The following NAP1L1 variants were observed in gnomAD, a reference collection of about 807,000 sequenced individuals.
The protein encoded by NAP1L1 is nucleosome assembly protein 1 like 1, also known as nucleosome assembly protein 1-like 1.
Under a neutral mutation model 58.9 loss-of-function variants are expected in NAP1L1, and 9 were observed. The ratio of observed to expected loss-of-function variants is 0.15; its 90% CI spans 0.09 to 0.27. The LOEUF is 0.27. Ranked by LOEUF, NAP1L1 falls within the 10% of genes least tolerant of loss-of-function variation. The pLI, the probability that NAP1L1 is intolerant of heterozygous loss-of-function variation, is 1.00. For synonymous variants in NAP1L1, 130 were observed against 138.3 expected (o/e 0.94, Z 0.42); for missense variants, 302 against 458.8 (o/e 0.66, Z 3.12).
intron 4 of NAP1L1, among the ~76,000 whole-genome samples, chr12:76,062,378 A>G (rs574237934): frequency 6.6e-6 from 1 of 152,126 alleles, no homozygotes; most frequent in Non-Finnish European, 1.5e-5. Context: ...TTTCTCCCCA[A>G]ATATTCATTA....
chr12:76,058,071 GA>G, intron 6 of NAP1L1: 1 of 766,314 alleles, frequency 1.3e-6, no homozygotes, highest in Non-Finnish European at 2.4e-6. Flanking sequence ...GGTCATTCAG[GA>G]AAAACAGACA....
intron 10 of NAP1L1, 43 bp from the exon 11 acceptor site, chr12:76,053,153 G>C: frequency 6.2e-7 from 1 of 1,612,372 alleles, no homozygotes; most frequent in Non-Finnish European, 8.5e-7. Flanking sequence ...AAGAAGCTAA[G>C]CAATGCTTTT....
intron 2 of NAP1L1, among the ~76,000 whole-genome samples, chr12:76,071,711 A>C (rs186351650): frequency 1.6e-4 from 25 of 152,318 alleles, no homozygotes; most frequent in Admixed American, 1.6e-3. Flanking sequence ...CTAAAACAAG[A>C]AAGTAAAAAC....
At chr12:76,069,089 C>A in intron 2 of NAP1L1, 95 bp from the exon 3 acceptor site, 1 of 836,260 alleles carries the variant, frequency 1.2e-6, no homozygotes, top group South Asian at 1.6e-5. Flanking sequence ...ATTAGTATCT[C>A]TTTCAAAGAC....
intron 1 of NAP1L1, among the ~76,000 whole-genome samples, chr12:76,079,375 C>T (rs1950314330): frequency 6.6e-6 from 1 of 152,138 alleles, no homozygotes. Flanking sequence ...AACATGCCTG[C>T]TGTAGTCCTA....
Position 76,045,225 on chromosome 12 carries a change from CATTT to C in NAP1L1, c.*3200_*3203del, listed in dbSNP as rs914984610. On this transcript the variant is annotated 3_prime_UTR_variant, in exon 15 of 15. Transcript: ENST00000618691. Reference sequence around the variant, plus strand: ...AATCTATTCTGTACATTTAAAATAACATTTGTTTTGATTTAAAGTCAAAAATATA... The same window carrying C: ...AATCTATTCTGTACATTTAAAATAACGTTTTGATTTAAAGTCAAAAATATA... 2 of 151,984 alleles carry C rather than the reference CATTT, an allele frequency of 1.3e-5. No homozygotes were observed. Among genetic ancestry groups the C allele is most frequent in the African/African-American group, 2.4e-5 (1 of 41,394 alleles). 9.4% of individuals were successfully genotyped at this position (151,984 alleles called of 1,614,324 possible). A position where few individuals can be genotyped will look rare whatever the true frequency, so the allele number is the denominator to read the frequency against.
intron 1 of NAP1L1, among the ~76,000 whole-genome samples, chr12:76,080,374 G>A (rs867095361): frequency 6.6e-6 from 1 of 152,234 alleles, no homozygotes; most frequent in Middle Eastern, 3.4e-3. Context: ...TATGCTTTTT[G>A]TGGTTAGAGT....
chr12:76,055,307 G>A (rs1000981472), intron 7 of NAP1L1, among the ~76,000 whole-genome samples: 3 of 152,122 alleles, frequency 2.0e-5, no homozygotes, highest in Non-Finnish European at 4.4e-5. Flanking sequence ...TGTCCAAATA[G>A]ACAACTGAAT....
rs1050527719 is a variant in NAP1L1 at position 76,039,536 on chromosome 12, G to A, written c.*8893C>T. 11 of 152,152 alleles carry A rather than the reference G, an allele frequency of 7.2e-5. No homozygotes were observed. The highest frequency in any genetic ancestry group is 2.7e-4 in the African/African-American group (11 of 41,420). The allele number at this position is 152,152 out of a possible 1,614,324, so 9.4% of individuals were successfully genotyped here. ...CTCTTCAGGGCAGGGGAGAGAAAAA[G>A]GAAAGATTATCTGAATATTGTTTAA... On this transcript the variant is annotated 3_prime_UTR_variant, in exon 15 of 15. Coordinates refer to ENST00000618691, the MANE Select transcript of NAP1L1 (RefSeq NM_004537.7).
rs774119322 is a variant in NAP1L1, at chr12:76,054,999, A to C, written c.630+20T>G. ...CTGTAAGCATGTTACAAAATTATAAATATTTCAAAGTTCTTTTACCATAGG... is the reference window on the plus strand; with the variant it reads ...CTGTAAGCATGTTACAAAATTATAACTATTTCAAAGTTCTTTTACCATAGG... On this transcript the variant is annotated intron_variant, in intron 8 of 14. Transcript: ENST00000618691. The C allele has an allele frequency of 2.6e-6, 4 of 1,559,684 alleles. No homozygotes were observed. Among genetic ancestry groups the C allele is most frequent in the Non-Finnish European group, 3.5e-6 (4 of 1,147,694 alleles).
chr12:76,046,322 C>T lies in NAP1L1; in HGVS notation c.*2107G>A, dbSNP rs1948606624. On this transcript the variant is annotated 3_prime_UTR_variant, in exon 15 of 15. Coordinates refer to ENST00000618691, the MANE Select transcript of NAP1L1 (RefSeq NM_004537.7). ...CAATTTTATAAAGAAAATTCTTCTGCAAACCACATCCCCTTTATGTAACAA... is the reference window on the plus strand; with the variant it reads ...CAATTTTATAAAGAAAATTCTTCTGTAAACCACATCCCCTTTATGTAACAA... The T allele has an allele frequency of 1.3e-5, 2 of 152,306 alleles. No homozygotes were observed. The highest frequency in any genetic ancestry group is 4.1e-4 in the South Asian group (2 of 4,824). The allele number at this position is 152,306 out of a possible 1,614,324, so 9.4% of individuals were successfully genotyped here. A position where few individuals can be genotyped will look rare whatever the true frequency, so the allele number is the denominator to read the frequency against.
intron 2 of NAP1L1, among the ~76,000 whole-genome samples, chr12:76,070,387 C>A (rs980462318): frequency 3.9e-5 from 6 of 152,300 alleles, no homozygotes; most frequent in South Asian, 2.1e-4. Flanking sequence ...GGATTACAGG[C>A]ATAAGCCACC....
Position 76,067,414 on chromosome 12 carries a change from T to G in NAP1L1, c.163A>C (p.Arg55=). The change falls in exon 4 of 15, where the codon AGA becomes CGA. Residue 55 remains arginine (R), a synonymous_variant. Transcript: ENST00000618691. ...GGTGTTTCTACCAGACCATCAAGTC[T>G]TTCTTGAAGGGCTGCAAGAATCTGA... ...NPQILAALQE[R]LDGLVETPTG... 6.2e-7 allele frequency: 1 copy of G among 1,610,364 alleles called. No individual in the cohort carries two copies. The highest frequency in any genetic ancestry group is 8.5e-7 in the Non-Finnish European group (1 of 1,177,622).
At chr12:76,054,300 G>A (rs1307885758) in intron 8 of NAP1L1, among the ~76,000 whole-genome samples, 1 of 152,090 alleles carries the variant, frequency 6.6e-6, no homozygotes, top group Non-Finnish European at 1.5e-5. Flanking sequence ...AAAGTGCTGG[G>A]ATTACAGGTG....
rs3082540 is a variant in NAP1L1 at position 76,058,194 on chromosome 12, CATATATATATATATATAT to C, written c.429+1586_429+1603del. 32 of 371,058 alleles carry C rather than the reference CATATATATATATATATAT, an allele frequency of 8.6e-5. 1 individual carries two copies. The highest frequency in any genetic ancestry group is 6.9e-4 in the African/African-American group (26 of 37,490). The allele number at this position is 371,058 out of a possible 1,614,324, so 23.0% of individuals were successfully genotyped here. A position where few individuals can be genotyped will look rare whatever the true frequency, so the allele number is the denominator to read the frequency against. On this transcript the variant is annotated intron_variant, in intron 6 of 14. Transcript: ENST00000618691. ...ATATGGCCAAAGGGAGAGAGGCCTA[CATATATATATATATATAT>C]ATATATATATATGTATTCTACAGTA... is the stretch of plus-strand genomic sequence containing the variant.
At chr12:76,070,867 T>C (rs1949922411) in intron 2 of NAP1L1, among the ~76,000 whole-genome samples, 1 of 152,194 alleles carries the variant, frequency 6.6e-6, no homozygotes, top group African/African-American at 2.4e-5. Context: ...ATAAACGTTA[T>C]GTAAATAGTT....
intron 12 of NAP1L1, 42 bp downstream of exon 12, chr12:76,050,489 C>A (rs770091810): frequency 3.2e-6 from 5 of 1,581,388 alleles, no homozygotes; most frequent in Non-Finnish European, 4.3e-6. Flanking sequence ...GACCACTATA[C>A]CCTCAACCAA....
intron 1 of NAP1L1, among the ~76,000 whole-genome samples, chr12:76,082,857 A>C (rs2217700): frequency 0.56 from 85,355 of 152,022 alleles, 25,362 homozygotes; most frequent in East Asian, 0.96. Flanking sequence ...TGACCAAAAA[A>C]AGAGGACCCA....
At chr12:76,053,661 T>C (rs1948943100) in intron 9 of NAP1L1, 109 bp downstream of exon 9, 8 of 1,306,852 alleles carry the variant, frequency 6.1e-6, no homozygotes, top group Non-Finnish European at 7.3e-6. Context: ...ATTACCAAAA[T>C]GTTCAGAGAC....
Sources: allele counts gnomAD v4.1 joint callset (sites outside exome capture counted in the v4.1 genomes callset), GRCh38; gene constraint gnomAD v4.1.1; transcripts MANE v1.5; gene names NCBI Gene and HGNC (gene_info 2026-07-23, HGNC 2026-07-21).